Variants in CMTM8 observed in about 807,000 individuals in gnomAD.
The protein encoded by CMTM8 is CKLF like MARVEL transmembrane domain containing 8.
CMTM8 carries 12 observed loss-of-function variants against 18.6 expected under a neutral mutation model. That is an observed-to-expected ratio of 0.65 (90% CI 0.41 to 1.05). The LOEUF (loss-of-function observed/expected upper bound fraction) is 1.05. CMTM8 is among the 50% of genes least tolerant of loss of function. The probability of loss-of-function intolerance (pLI) is 0.00; values close to 1 mark genes in which losing one functional copy is unlikely to be tolerated. For synonymous variants in CMTM8, 87 were observed against 90.6 expected (o/e 0.96, Z 0.23); for missense variants, 217 against 227.2 (o/e 0.95, Z 0.29).
At chr3:32,281,769 A>T (rs1228124427) in intron 1 of CMTM8, among the ~76,000 whole-genome samples, 1 of 152,166 alleles carries the variant, frequency 6.6e-6, no homozygotes, top group African/African-American at 2.4e-5. Context: ...CAAATGGTCA[A>T]CTTTCAGTGC....
chr3:32,364,507 G>C (rs1423865073), intron 2 of CMTM8, among the ~76,000 whole-genome samples: 2 of 149,756 alleles, frequency 1.3e-5, no homozygotes, highest in Admixed American at 6.6e-5. Flanking sequence ...TGTCTCAAAA[G>C]AAAAAAAAAG....
rs1044707739 is a variant in CMTM8, at chr3:32,238,819, G to C, written c.-154G>C. 2 of 467,958 alleles carry C rather than the reference G, an allele frequency of 4.3e-6. No homozygotes were observed. The highest frequency in any genetic ancestry group is 6.7e-6 in the Non-Finnish European group (2 of 300,334). The allele number at this position is 467,958 out of a possible 1,614,324, so 29.0% of individuals were successfully genotyped here. On this transcript the variant is annotated 5_prime_UTR_variant, in exon 1 of 4. Transcript: ENST00000307526. ...ACTAGAGGGACACCCGCCGCGCCTG[G>C]ACAGCCCCCGGCGGGCGCCCCCCTC... is the stretch of plus-strand genomic sequence containing the variant.
At chr3:32,273,781 T>A (rs558191234) in intron 1 of CMTM8, among the ~76,000 whole-genome samples, 84 of 152,248 alleles carry the variant, frequency 5.5e-4, no homozygotes, top group African/African-American at 1.9e-3. Flanking sequence ...GTTACATACC[T>A]CTTTGAATAG....
At chr3:32,249,574 C>G (rs1222790509) in intron 1 of CMTM8, among the ~76,000 whole-genome samples, 1 of 152,108 alleles carries the variant, frequency 6.6e-6, no homozygotes, top group Non-Finnish European at 1.5e-5. Context: ...TCTGACCATC[C>G]TAGTGAATGT....
intron 1 of CMTM8, among the ~76,000 whole-genome samples, chr3:32,286,929 T>G (rs1575160527): frequency 1.3e-5 from 2 of 152,356 alleles, no homozygotes; most frequent in Non-Finnish European, 2.9e-5. Flanking sequence ...AAAGGGCAGA[T>G]AGATGTGGGC....
chr3:32,258,683 T>A (rs187748261), intron 1 of CMTM8, among the ~76,000 whole-genome samples: 1 of 152,184 alleles, frequency 6.6e-6, no homozygotes, highest in Admixed American at 6.5e-5. Context: ...CTGATTTTTT[T>A]AATTTTTTGT....
rs567637052 is a variant in CMTM8 at position 32,343,508 on chromosome 3, T to C, written c.148-13865T>C. ...CCAAATTTTGCCTGGCTAACTCTCA[T>C]TCACCTATTTGTCTCTCACTTCCTC... On this transcript the variant is annotated intron_variant, in intron 1 of 3. Coordinates refer to ENST00000307526, the MANE Select transcript of CMTM8 (RefSeq NM_178868.5). Among the ~76,000 whole-genome samples the C allele has an allele frequency of 2.0e-5, 3 of 152,338 alleles. No individual in the cohort carries two copies. The South Asian group carries it at 6.2e-4, about 32-fold the overall frequency.
intron 1 of CMTM8, among the ~76,000 whole-genome samples, chr3:32,312,404 A>G (rs987085324): frequency 3.3e-5 from 5 of 152,178 alleles, no homozygotes; most frequent in South Asian, 2.1e-4. Context: ...ATCACTTGCT[A>G]GAACAGCTCA....
chr3:32,273,331 T>C (rs982802093), intron 1 of CMTM8, among the ~76,000 whole-genome samples: 31 of 151,012 alleles, frequency 2.1e-4, no homozygotes, highest in South Asian at 4.2e-4. Context: ...TATGTATGTG[T>C]ACACACACAC....
chr3:32,284,862 T>G (rs180737068), intron 1 of CMTM8, among the ~76,000 whole-genome samples: 38 of 152,310 alleles, frequency 2.5e-4, no homozygotes, highest in African/African-American at 8.7e-4. Flanking sequence ...ATATTAGGAA[T>G]TTTGAGTGGT....
chr3:32,272,275 T>C (rs1702450527), intron 1 of CMTM8, among the ~76,000 whole-genome samples: 2 of 152,232 alleles, frequency 1.3e-5, no homozygotes, highest in Admixed American at 6.5e-5. Context: ...AACTTCATTA[T>C]GATATGTCTA....
intron 1 of CMTM8, among the ~76,000 whole-genome samples, chr3:32,329,992 TTACAA>T (rs1301603280): frequency 1.3e-5 from 2 of 152,010 alleles, no homozygotes; most frequent in African/African-American, 4.8e-5. Flanking sequence ...AAAATTCTAT[TTACAA>T]TAGAATCAAA....
intron 1 of CMTM8, among the ~76,000 whole-genome samples, chr3:32,301,307 A>G (rs1469581932): frequency 6.6e-6 from 1 of 152,132 alleles, no homozygotes; most frequent in African/African-American, 2.4e-5. Flanking sequence ...AATCTTTAGC[A>G]TATGCATACT....
At chr3:32,304,908 A>AT (rs1438753874) in intron 1 of CMTM8, among the ~76,000 whole-genome samples, 1 of 152,244 alleles carries the variant, frequency 6.6e-6, no homozygotes, top group Non-Finnish European at 1.5e-5. Flanking sequence ...GAGGAGGAAT[A>AT]TTTCTGCATA....
Position 32,239,010 on chromosome 3 carries a change from C to T in CMTM8, c.38C>T (p.Thr13Ile). 6.4e-7 allele frequency: 1 copy of T among 1,561,134 alleles called. No homozygotes were observed. Among genetic ancestry groups the T allele is most frequent in the Non-Finnish European group, 8.7e-7 (1 of 1,153,382 alleles). The change falls in exon 1 of 4, where the codon ACC becomes ATC. Residue 13 changes from threonine to isoleucine, a missense_variant. By Grantham distance (89) the Thr-to-Ile change is moderately conservative. Transcript: ENST00000307526. Reference protein sequence around the residue: ...EPQRARSHTVTTTASSFAENF... With the variant: ...EPQRARSHTVITTASSFAENF... ...CAGCGCGCCCGCTCGCACACAGTCA[C>T]CACCACCGCCAGCTCCTTCGCAGAG...
At chr3:32,298,137 A>G (rs902974284) in intron 1 of CMTM8, among the ~76,000 whole-genome samples, 2 of 150,416 alleles carry the variant, frequency 1.3e-5, no homozygotes, top group Non-Finnish European at 3.0e-5. Context: ...GTGCAGTGGC[A>G]CAATCTGGGC....
At chr3:32,276,893 A>G (rs531092683) in intron 1 of CMTM8, among the ~76,000 whole-genome samples, 3 of 147,660 alleles carry the variant, frequency 2.0e-5, no homozygotes, top group African/African-American at 7.4e-5. Context: ...CTCCTGAGAA[A>G]TTTTTTTTTT....
intron 1 of CMTM8, among the ~76,000 whole-genome samples, chr3:32,273,347 CAT>C (rs1553603082): frequency 2.6e-5 from 4 of 151,510 alleles, no homozygotes; most frequent in Middle Eastern, 3.2e-3. Flanking sequence ...CACACACACA[CAT>C]ATATATATAC....
intron 1 of CMTM8, among the ~76,000 whole-genome samples, chr3:32,357,129 A>G (rs1349849772): frequency 1.3e-5 from 2 of 152,128 alleles, no homozygotes; most frequent in Non-Finnish European, 2.9e-5. Context: ...CTGTAATCCT[A>G]GCTACTTGGG....
Sources: allele counts gnomAD v4.1 joint callset (sites outside exome capture counted in the v4.1 genomes callset), GRCh38; gene constraint gnomAD v4.1.1; transcripts MANE v1.5; gene names NCBI Gene and HGNC (gene_info 2026-07-23, HGNC 2026-07-21).